The following DGKE variants were observed in gnomAD, a reference collection of about 807,000 sequenced individuals.
DGKE encodes DAG kinase epsilon.
DGKE carries 53 observed loss-of-function variants against 70.0 expected under a neutral mutation model. The ratio of observed to expected loss-of-function variants is 0.76; its 90% CI spans 0.61 to 0.95. The LOEUF (loss-of-function observed/expected upper bound fraction) is 0.95. DGKE is among the 40% of genes least tolerant of loss of function. The probability of loss-of-function intolerance (pLI) is 0.00; values close to 1 mark genes in which losing one functional copy is unlikely to be tolerated. For synonymous variants in DGKE, 291 were observed against 257.0 expected, an observed-to-expected ratio of 1.13 and a Z score of -1.27; for missense variants, 655 against 706.9, an observed-to-expected ratio of 0.93 and a Z score of 0.83.
intron 7 of DGKE, among the ~76,000 whole-genome samples, chr17:56,849,521 G>C (rs1907522579): frequency 6.6e-6 from 1 of 152,168 alleles, no homozygotes; most frequent in Non-Finnish European, 1.5e-5. Context: ...AGAGGTGAGA[G>C]AGTGCAAAGC....
chr17:56,849,770 A>G (rs1907537659), intron 7 of DGKE, among the ~76,000 whole-genome samples: 1 of 152,246 alleles, frequency 6.6e-6, no homozygotes, highest in African/African-American at 2.4e-5. Flanking sequence ...TATGGAAATG[A>G]CTATAAGAAA....
intron 7 of DGKE, among the ~76,000 whole-genome samples, chr17:56,851,795 AG>A (rs1403569096): frequency 6.6e-6 from 1 of 152,244 alleles, no homozygotes; most frequent in African/African-American, 2.4e-5. Context: ...TTAATAGAAC[AG>A]GGTTCTATAA....
intron 9 of DGKE, 135 bp from the exon 10 acceptor site, chr17:56,861,654 AGT>A: frequency 9.2e-7 from 1 of 1,085,088 alleles, no homozygotes; most frequent in Non-Finnish European, 1.3e-6. Context: ...AGAGGCCCTG[AGT>A]GAGAGGTAGG....
chr17:56,839,596 G>A (rs1225095276), intron 2 of DGKE, among the ~76,000 whole-genome samples: 3 of 152,160 alleles, frequency 2.0e-5, no homozygotes, highest in South Asian at 2.1e-4. Flanking sequence ...ATGGCTTACT[G>A]CAGCCTTAGC....
intron 2 of DGKE, among the ~76,000 whole-genome samples, chr17:56,843,578 A>G (rs1426633208): frequency 1.3e-5 from 2 of 152,060 alleles, no homozygotes; most frequent in Non-Finnish European, 2.9e-5. Flanking sequence ...TGGGTGGATC[A>G]TTTGAGGTCT....
In DGKE at chr17:56,844,082, A is replaced by G. The variant is rs776467600; in HGVS notation, c.528A>G (p.Lys176=). 6 of 1,584,524 alleles carry G rather than the reference A, an allele frequency of 3.8e-6. 1 individual carries two copies. The South Asian group carries it at 7.0e-5, about 18-fold the overall frequency. The stretch of plus-strand genomic sequence containing the variant: ...TGAAAAATAGTTTAAAGAATGAAAA[A>G]TGTGATTTTGGAGAATTCAAAAACC... ...ECMKNSLKNE[K]CDFGEFKNLI... Residue 176 remains lysine, a synonymous_variant, in exon 3 of 12, where the codon AAA becomes AAG. Coordinates refer to ENST00000284061, the MANE Select transcript of DGKE (RefSeq NM_003647.3).
At chr17:56,849,556 C>G (rs192043457) in intron 7 of DGKE, among the ~76,000 whole-genome samples, 45 of 152,188 alleles carry the variant, frequency 3.0e-4, no homozygotes, top group African/African-American at 8.4e-4. Context: ...GCAAATAATA[C>G]AGAGAGAGTA....
In DGKE at chr17:56,863,019, C is replaced by G. The variant is rs965911703; in HGVS notation, c.*228C>G. On this transcript the variant is annotated 3_prime_UTR_variant, in exon 12 of 12. Coordinates refer to ENST00000284061, the MANE Select transcript of DGKE (RefSeq NM_003647.3). ...ACTTCAAATGAATAGTATTAACTTA[C>G]AAAAAGTCACAAAAACTTACATGAG... is the stretch of plus-strand genomic sequence containing the variant. 3 of 372,366 alleles carry G rather than the reference C, an allele frequency of 8.1e-6. No individual in the cohort carries two copies. The highest frequency in any genetic ancestry group is 2.1e-5 in the African/African-American group (1 of 47,650). The allele number at this position is 372,366 out of a possible 1,614,324, so 23.1% of individuals were successfully genotyped here.
chr17:56,839,568 G>T (rs1263758682), intron 2 of DGKE, among the ~76,000 whole-genome samples: 3 of 152,166 alleles, frequency 2.0e-5, no homozygotes, highest in Non-Finnish European at 4.4e-5. Flanking sequence ...GCCTAGGCTG[G>T]AAGACGGTGG....
chr17:56,855,340 T>C (rs1802930234), intron 7 of DGKE, among the ~76,000 whole-genome samples: 1 of 148,426 alleles, frequency 6.7e-6, no homozygotes, highest in Admixed American at 6.7e-5. Context: ...GAAGAGCGTC[T>C]TTGATTTGGA....
In DGKE at chr17:56,865,479, T is replaced by G. The variant is rs1011355769; in HGVS notation, c.*2688T>G. 2 of 152,196 alleles carry G rather than the reference T, an allele frequency of 1.3e-5. No individual in the cohort carries two copies. The highest frequency in any genetic ancestry group is 6.5e-5 in the Admixed American group (1 of 15,280). 9.4% of individuals were successfully genotyped at this position (152,196 alleles called of 1,614,324 possible). On this transcript the variant is annotated 3_prime_UTR_variant, in exon 12 of 12. Coordinates refer to ENST00000284061, the MANE Select transcript of DGKE (RefSeq NM_003647.3). ...GATGATGATAATTTTCAGTGTTTCG[T>G]CATGTTTAATAGAAATCAAACTGAC...
chr17:56,835,169 A>C lies in DGKE; in HGVS notation c.374A>C (p.His125Pro). Residue 125 changes from histidine (H) to proline (P), a missense_variant, in exon 2 of 12, where the codon CAC (histidine) becomes CCC (proline). His to Pro is a moderately conservative substitution (Grantham distance 77, BLOSUM62 -2). Coordinates refer to ENST00000284061, the MANE Select transcript of DGKE (RefSeq NM_003647.3). The stretch of plus-strand genomic sequence containing the variant: ...ACCAAGGTCCTGGACGCCATGCCCC[A>C]CCACTGGATCCGGGGCAACGTGCCC... ...NDTKVLDAMPHHWIRGNVPLC... is the reference protein window; with the variant it reads ...NDTKVLDAMPPHWIRGNVPLC... 1 of 1,614,092 alleles carries C rather than the reference A, an allele frequency of 6.2e-7. No individual in the cohort carries two copies. Among genetic ancestry groups the C allele is most frequent in the Non-Finnish European group, 8.5e-7 (1 of 1,180,034 alleles).
intron 9 of DGKE, among the ~76,000 whole-genome samples, chr17:56,859,640 G>A (rs910673462): frequency 7.2e-5 from 11 of 151,908 alleles, no homozygotes; most frequent in Admixed American, 6.6e-4. Context: ...GGATGGTCTC[G>A]ATCTCCTGAC....
Position 56,863,992 on chromosome 17 carries a change from A to G in DGKE, c.*1201A>G, listed in dbSNP as rs1369549439. The G allele has an allele frequency of 1.3e-5, 2 of 152,226 alleles. No individual in the cohort carries two copies. The highest frequency in any genetic ancestry group is 4.8e-5 in the African/African-American group (2 of 41,460). 9.4% of individuals were successfully genotyped at this position (152,226 alleles called of 1,614,324 possible). A position where few individuals can be genotyped will look rare whatever the true frequency, so the allele number is the denominator to read the frequency against. On this transcript the variant is annotated 3_prime_UTR_variant, in exon 12 of 12. Transcript: ENST00000284061. ...AGAAATCTAGATATTCTTATTCTTC[A>G]CAAATATTCCTCATTGTATTGAAAA...
At chr17:56,838,665 C>G (rs1477466280) in intron 2 of DGKE, 1 of 128,862 alleles carries the variant, frequency 7.8e-6, no homozygotes, top group Non-Finnish European at 1.7e-5. Flanking sequence ...TTAGAGAAAA[C>G]AAGCCTTGTT....
At chr17:56,836,504 G>C (rs1598013701) in intron 2 of DGKE, 3 of 152,270 alleles carry the variant, frequency 2.0e-5, no homozygotes, top group Admixed American at 6.5e-5. Flanking sequence ...CTCTGGTGTA[G>C]CCTCCAGCAG....
intron 2 of DGKE, among the ~76,000 whole-genome samples, chr17:56,843,783 G>A (rs542208948): frequency 6.7e-4 from 79 of 118,392 alleles, no homozygotes; most frequent in African/African-American, 2.5e-3. Flanking sequence ...GGTGGACAGA[G>A]TGAGACCCTG....
rs1339307548 is a variant in DGKE at position 56,867,926 on chromosome 17, A to G, written c.*5135A>G. On this transcript the variant is annotated 3_prime_UTR_variant, in exon 12 of 12. Transcript: ENST00000284061. ...GACTCCATCTCAAAAAAAAAAAAAA[A>G]GAAAGAAATGTGTTGCTGGTATCAG... 1 of 152,374 alleles carries G rather than the reference A, an allele frequency of 6.6e-6. No individual in the cohort carries two copies. The highest frequency in any genetic ancestry group is 1.5e-5 in the Non-Finnish European group (1 of 68,328). 9.4% of individuals were successfully genotyped at this position (152,374 alleles called of 1,614,324 possible). A position where few individuals can be genotyped will look rare whatever the true frequency, so the allele number is the denominator to read the frequency against.
In DGKE at chr17:56,853,338, G is replaced by C. The variant is rs143958406; in HGVS notation, c.1099-3174G>C. Among the ~76,000 whole-genome samples the C allele has an allele frequency of 6.0e-4, 92 of 152,212 alleles. 2 individuals are homozygous for C. The highest frequency in any genetic ancestry group is 2.1e-3 in the African/African-American group (86 of 41,554). ...TTTTACTTTTATTGCCTATGCTTTT[G>C]AGATCATATCAAACAAATATCAAAC... On this transcript the variant is annotated intron_variant, in intron 7 of 11. Coordinates refer to ENST00000284061, the MANE Select transcript of DGKE (RefSeq NM_003647.3).
Sources: gnomAD v4.1 joint callset for allele counts (sites outside exome capture counted in the v4.1 genomes callset) on GRCh38, gnomAD v4.1.1 for gene constraint, MANE v1.5 for transcripts, NCBI Gene and HGNC (gene_info 2026-07-23, HGNC 2026-07-21) for gene names.